The following SEPSECS variants were observed in gnomAD, a reference collection of about 807,000 sequenced individuals.
The protein encoded by SEPSECS is Sep (O-phosphoserine) tRNA:Sec (selenocysteine) tRNA synthase.
Under a neutral mutation model 52.1 loss-of-function variants are expected in SEPSECS, and 42 were observed. The ratio of observed to expected loss-of-function variants is 0.81; its 90% CI spans 0.63 to 1.04. The LOEUF (loss-of-function observed/expected upper bound fraction) is 1.04. Ranked by LOEUF, SEPSECS falls within the 50% of genes least tolerant of loss-of-function variation. The pLI is 0.00. For synonymous variants in SEPSECS, 216 were observed against 211.4 expected (o/e 1.02, Z -0.19); for missense variants, 590 against 610.6 (o/e 0.97, Z 0.36).
Position 25,155,946 on chromosome 4 carries a change from T to A in SEPSECS, c.547+91A>T. 3.3e-6 allele frequency: 4 copies of A among 1,194,382 alleles called. No homozygotes were observed. In the South Asian group the frequency reaches 5.4e-5, roughly 16 times the overall value. The allele number at this position is 1,194,382 out of a possible 1,614,324, so 74.0% of individuals were successfully genotyped here. A position where few individuals can be genotyped will look rare whatever the true frequency, so the allele number is the denominator to read the frequency against. On this transcript the variant is annotated intron_variant, in intron 4 of 10. Transcript: ENST00000382103. Reference sequence around the variant, plus strand: ...TTTAAAAAAGCAATAGGGAAGAGAGTTAGTTTATTTTTCATTTATCTATCT... The same window carrying A: ...TTTAAAAAAGCAATAGGGAAGAGAGATAGTTTATTTTTCATTTATCTATCT...
intron 8 of SEPSECS, among the ~76,000 whole-genome samples, chr4:25,131,940 T>G (rs1728624117): frequency 6.6e-6 from 1 of 152,360 alleles, no homozygotes; most frequent in East Asian, 1.9e-4. Flanking sequence ...GACCATAGAC[T>G]TTCTTTCTGC....
At chr4:25,131,615 T>A (rs1728608933) in intron 8 of SEPSECS, among the ~76,000 whole-genome samples, 1 of 152,212 alleles carries the variant, frequency 6.6e-6, no homozygotes, top group Non-Finnish European at 1.5e-5. Context: ...TGAAATCAGA[T>A]GCTTCTGCAG....
intron 8 of SEPSECS, among the ~76,000 whole-genome samples, chr4:25,144,297 G>T (rs1334085628): frequency 7.3e-6 from 1 of 136,178 alleles, no homozygotes; most frequent in Admixed American, 8.4e-5. Context: ...CCAAGATCGT[G>T]CCATTGCACT....
intron 3 of SEPSECS, 96 bp from the exon 4 acceptor site, chr4:25,156,291 G>T: frequency 8.7e-7 from 1 of 1,151,516 alleles, no homozygotes; most frequent in East Asian, 2.6e-5. Context: ...AATAGTAAGA[G>T]TCGTAGCCCT....
At chr4:25,124,644 T>C (rs115518227) in intron 10 of SEPSECS, among the ~76,000 whole-genome samples, 16 of 152,228 alleles carry the variant, frequency 1.1e-4, no homozygotes, top group Admixed American at 2.0e-4. Flanking sequence ...TACTGAAATA[T>C]TGAAATTTGC....
intron 8 of SEPSECS, among the ~76,000 whole-genome samples, chr4:25,134,629 T>G (rs1364703606): frequency 6.6e-6 from 1 of 152,140 alleles, no homozygotes; most frequent in Non-Finnish European, 1.5e-5. Context: ...AAGAGTACAC[T>G]CAAACTCTCA....
intron 4 of SEPSECS, 58 bp downstream of exon 4, chr4:25,155,979 A>G (rs1712601445): frequency 6.8e-7 from 1 of 1,476,028 alleles, no homozygotes; most frequent in South Asian, 1.2e-5. Context: ...TCTTTATATA[A>G]GAAATCTGAA....
rs1389443974 is a variant in SEPSECS, at chr4:25,122,080, A to G, written c.*1851T>C. 1 of 152,176 alleles carries G rather than the reference A, an allele frequency of 6.6e-6. No homozygotes were observed. Among genetic ancestry groups the G allele is most frequent in the East Asian group, 1.9e-4 (1 of 5,202 alleles). 9.4% of individuals were successfully genotyped at this position (152,176 alleles called of 1,614,324 possible). On this transcript the variant is annotated 3_prime_UTR_variant, in exon 11 of 11. Transcript: ENST00000382103. Reference sequence around the variant, plus strand: ...TTTATTGGTTCAGCAATTTAGTCCCAAATTCTCATGAAAAATTTACACTTT... The same window carrying G: ...TTTATTGGTTCAGCAATTTAGTCCCGAATTCTCATGAAAAATTTACACTTT...
At chr4:25,144,615 T>C (rs987692146) in intron 8 of SEPSECS, among the ~76,000 whole-genome samples, 159 bp downstream of exon 8, 6 of 150,214 alleles carry the variant, frequency 4.0e-5, no homozygotes, top group African/African-American at 7.4e-5. Context: ...CAAAAAGTAA[T>C]AGGAAACCAC....
In SEPSECS at chr4:25,123,646, C is replaced by T. The variant is rs1270799943; in HGVS notation, c.*285G>A. 2.4e-6 allele frequency: 1 copy of T among 421,252 alleles called. No homozygotes were observed. The highest frequency in any genetic ancestry group is 4.4e-6 in the Non-Finnish European group (1 of 229,246). The allele number at this position is 421,252 out of a possible 1,614,324, so 26.1% of individuals were successfully genotyped here. A position where few individuals can be genotyped will look rare whatever the true frequency, so the allele number is the denominator to read the frequency against. On this transcript the variant is annotated 3_prime_UTR_variant, in exon 11 of 11. Transcript: ENST00000382103. ...TTGAAGTAATTTTACTGTCATTACA[C>T]TAGTAAAAATTATCTGAGTCATGAT...
At chr4:25,153,489 T>A (rs1712434189) in intron 5 of SEPSECS, among the ~76,000 whole-genome samples, 1 of 151,914 alleles carries the variant, frequency 6.6e-6, no homozygotes, top group Non-Finnish European at 1.5e-5. Context: ...ATTTTTCATA[T>A]GTATCAAATT....
chr4:25,154,238 T>C (rs1174772187), intron 5 of SEPSECS, among the ~76,000 whole-genome samples: 1 of 152,124 alleles, frequency 6.6e-6, no homozygotes, highest in Non-Finnish European at 1.5e-5. Context: ...CAACATAGAA[T>C]TCATTATTGC....
chr4:25,127,404 C>T (rs1459593677), intron 8 of SEPSECS, 47 bp from the exon 9 acceptor site: 5 of 1,391,786 alleles, frequency 3.6e-6, no homozygotes, highest in South Asian at 1.2e-5. Flanking sequence ...ATATCTACTG[C>T]CAGATTTAAT....
At chr4:25,125,808 AT>A (rs1251864775) in intron 9 of SEPSECS, 24 bp from the exon 10 acceptor site, 1 of 1,493,186 alleles carries the variant, frequency 6.7e-7, no homozygotes, top group South Asian at 1.1e-5. Flanking sequence ...AAGTATCCTA[AT>A]AAGCCTTGGT....
At chr4:25,137,252 A>AGAAACTATCAT (rs1728874907) in intron 8 of SEPSECS, among the ~76,000 whole-genome samples, 1 of 152,230 alleles carries the variant, frequency 6.6e-6, no homozygotes, top group Non-Finnish European at 1.5e-5. Flanking sequence ...GCACAGCAAA[A>AGAAACTATCAT]GAAACTATCA....
At chr4:25,146,626 C>A (rs995502118) in intron 6 of SEPSECS, among the ~76,000 whole-genome samples, 7 of 152,150 alleles carry the variant, frequency 4.6e-5, no homozygotes, top group African/African-American at 1.4e-4. Context: ...AATCAATGCA[C>A]CAGACTTTGC....
At chr4:25,147,021 A>T (rs1427378538) in intron 6 of SEPSECS, among the ~76,000 whole-genome samples, 1 of 152,034 alleles carries the variant, frequency 6.6e-6, no homozygotes, top group East Asian at 1.9e-4. Flanking sequence ...CTCTACAACC[A>T]CTGTTCACCT....
At chr4:25,143,689 G>A (rs1711754068) in intron 8 of SEPSECS, among the ~76,000 whole-genome samples, 1 of 152,036 alleles carries the variant, frequency 6.6e-6, no homozygotes, top group African/African-American at 2.4e-5. Context: ...AGGAAGACTG[G>A]GGTAAAACAG....
At chr4:25,135,805 C>G (rs1170212485) in intron 8 of SEPSECS, among the ~76,000 whole-genome samples, 3 of 151,968 alleles carry the variant, frequency 2.0e-5, no homozygotes, top group Non-Finnish European at 4.4e-5. Flanking sequence ...TGAATAAATT[C>G]CTGGCAAACC....
Sources: gnomAD v4.1 joint callset for allele counts (sites outside exome capture counted in the v4.1 genomes callset) on GRCh38, gnomAD v4.1.1 for gene constraint, MANE v1.5 for transcripts, NCBI Gene and HGNC (gene_info 2026-07-23, HGNC 2026-07-21) for gene names.